PGBD1: variants seen among roughly 807,000 people sequenced by gnomAD.
PGBD1 encodes the protein piggyBac transposable element derived 1.
Under a neutral mutation model 34.7 loss-of-function variants are expected in PGBD1, and 25 were observed. That is an observed-to-expected ratio of 0.72 (90% confidence interval 0.52 to 1.00). The LOEUF (loss-of-function observed/expected upper bound fraction) is 1.00, where lower values mean the gene tolerates loss of function less well. PGBD1 is among the 50% of genes least tolerant of loss of function. PGBD1 has a pLI of 0.00. For missense variants in PGBD1, 830 were observed against 959.4 expected, an observed-to-expected ratio of 0.87 and a Z score of 1.78; for synonymous variants, 292 against 335.7, an observed-to-expected ratio of 0.87 and a Z score of 1.42.
At chr6:28,297,407 C>T (rs190317489) in intron 5 of PGBD1, among the ~76,000 whole-genome samples, 2 of 152,204 alleles carry the variant, frequency 1.3e-5, no homozygotes, top group South Asian at 2.1e-4. Flanking sequence ...GATGGGGTCT[C>T]GCTTTGTTGC....
intron 6 of PGBD1, among the ~76,000 whole-genome samples, chr6:28,298,505 G>T (rs1343514492): frequency 6.6e-6 from 1 of 152,026 alleles, no homozygotes; most frequent in Non-Finnish European, 1.5e-5. Flanking sequence ...TCTTTGGTTA[G>T]GGATGCCCAA....
chr6:28,301,316 C>T lies in PGBD1; in HGVS notation c.1462C>T (p.Leu488=). ...GGAAGTCTCTGACACCGATCAGAAC[C>T]TGGTTAGAGATGCAATCAGAAGGGA... The part of the protein sequence containing the change: ...YWEVSDTDQN[L]VRDAIRRDRF... The change falls in exon 7 of 7, where the codon CTG becomes TTG. Residue 488 remains leucine (L), a synonymous_variant. Coordinates refer to ENST00000682144, the MANE Select transcript of PGBD1 (RefSeq NM_032507.4). 1.2e-6 allele frequency: 2 copies of T among 1,614,026 alleles called. No individual in the cohort carries two copies. The highest frequency in any genetic ancestry group is 1.7e-6 in the Non-Finnish European group (2 of 1,180,022).
intron 4 of PGBD1, among the ~76,000 whole-genome samples, chr6:28,291,507 C>A (rs1762449561): frequency 7.0e-6 from 1 of 143,542 alleles, no homozygotes. Context: ...TGAATTCTAC[C>A]AAACATTTAA....
rs759658196 is a variant in PGBD1 at position 28,302,272 on chromosome 6, T to C, written c.2418T>C (p.His806=). ...ATTTCTACTTGGAACACAATGCTCA[T>C]CTGTCAGATTAGGGTACATAAAATG... The part of the protein sequence containing the change: ...VAHFYLEHNA[H]LSD The change falls in exon 7 of 7, where the codon CAT becomes CAC. Residue 806 remains histidine (H), a synonymous_variant. Transcript: ENST00000682144. 1.9e-6 allele frequency: 3 copies of C among 1,611,654 alleles called. No individual in the cohort carries two copies. The Admixed American group carries it at 5.0e-5, about 27-fold the overall frequency.
rs751063482 is a variant in PGBD1 at position 28,301,436 on chromosome 6, C to G, written c.1582C>G (p.Gln528Glu). Reference protein sequence around the residue: ...KFTKLRPLIKQMNKNFLLYAP... With the variant: ...KFTKLRPLIKEMNKNFLLYAP... ...TACAAAGTTGAGACCTCTCATAAAA[C>G]AAATGAATAAAAATTTCCTCTTGTA... The change falls in exon 7 of 7, where the codon CAA (glutamine) becomes GAA (glutamate). Residue 528 changes from glutamine (Q) to glutamate (E), a missense_variant. Transcript: ENST00000682144. 15 of 1,613,870 alleles carry G rather than the reference C, an allele frequency of 9.3e-6. No individual in the cohort carries two copies. In the South Asian group the frequency reaches 9.9e-5, roughly 11 times the overall value.
chr6:28,302,464 TTGTC>T lies in PGBD1; in HGVS notation c.*184_*187del, dbSNP rs1762878151. 4.5e-6 allele frequency: 3 copies of T among 673,280 alleles called. No individual in the cohort carries two copies. Among genetic ancestry groups the T allele is most frequent in the East Asian group, 2.9e-5 (1 of 34,452 alleles). The allele number at this position is 673,280 out of a possible 1,614,324, so 41.7% of individuals were successfully genotyped here. A position where few individuals can be genotyped will look rare whatever the true frequency, so the allele number is the denominator to read the frequency against. On this transcript the variant is annotated 3_prime_UTR_variant, in exon 7 of 7. Transcript: ENST00000682144. ...CTATTGTAACAAGTAATGTTAAAAA[TTGTC>T]TGTGAGAATGTTGAACTGTAGTACC...
In PGBD1 at chr6:28,302,165, A is replaced by G. The variant is rs982651878; in HGVS notation, c.2311A>G (p.Met771Val). ...GGTGAGCTACATGATTGATGTAGCC[A>G]TGAACAATGCATGGCAACTACACAG... ...ILVSYMIDVA[M>V]NNAWQLHRAC... is the part of the protein sequence containing the mutation. Residue 771 changes from methionine to valine, a missense_variant, in exon 7 of 7, where the codon ATG (methionine) becomes GTG (valine). Physicochemically the swap from Met to Val is conservative, Grantham distance 21. Coordinates refer to ENST00000682144, the MANE Select transcript of PGBD1 (RefSeq NM_032507.4). The G allele has an allele frequency of 6.2e-7, 1 of 1,614,198 alleles. No individual in the cohort carries two copies. The highest frequency in any genetic ancestry group is 8.5e-7 in the Non-Finnish European group (1 of 1,180,032).
intron 4 of PGBD1, among the ~76,000 whole-genome samples, chr6:28,296,523 G>A (rs542942391): frequency 1.6e-4 from 25 of 152,284 alleles, no homozygotes; most frequent in East Asian, 1.4e-3. Context: ...CTGATTGTAG[G>A]TTTGGTTCAG....
intron 2 of PGBD1, 137 bp from the exon 3 acceptor site, chr6:28,285,414 G>A (rs1762256287): frequency 1.1e-6 from 1 of 869,940 alleles, no homozygotes; most frequent in Non-Finnish European, 1.7e-6. Flanking sequence ...TGTTGTTTTT[G>A]TTTTTCTGGG....
intron 1 of PGBD1, among the ~76,000 whole-genome samples, chr6:28,282,745 T>C (rs1400934583): frequency 6.6e-6 from 1 of 152,158 alleles, no homozygotes; most frequent in African/African-American, 2.4e-5. Flanking sequence ...GTTGAAATTA[T>C]AGTGCAGTAG....
chr6:28,293,386 A>G (rs1762529332), intron 4 of PGBD1, among the ~76,000 whole-genome samples: 1 of 152,242 alleles, frequency 6.6e-6, no homozygotes, highest in South Asian at 2.1e-4. Flanking sequence ...GGAAAGCAAT[A>G]TAAGTTACAA....
rs531346378 is a variant in PGBD1 at position 28,299,662 on chromosome 6, CT to C, written c.870-1061del. ...ACTTGACTAGTTTACCAACAGAACA[CT>C]AATAAATTAAATGCACATGTCTAAA... On this transcript the variant is annotated intron_variant, in intron 6 of 6. Coordinates refer to ENST00000682144, the MANE Select transcript of PGBD1 (RefSeq NM_032507.4). Among the ~76,000 whole-genome samples, 9 of 152,290 alleles carry C rather than the reference CT, an allele frequency of 5.9e-5. No homozygotes were observed. In the East Asian group the frequency reaches 1.7e-3, roughly 29 times the overall value.
chr6:28,298,002 A>G lies in PGBD1; in HGVS notation c.869+11A>G. 1.3e-6 allele frequency: 2 copies of G among 1,557,706 alleles called. No homozygotes were observed. Among genetic ancestry groups the G allele is most frequent in the Non-Finnish European group, 1.8e-6 (2 of 1,131,938 alleles). ...AGGAAAGCCCAACAGGTGAGTGTCC[A>G]TGGTCCTCAGTGAATCAAATCCTGC... On this transcript the variant is annotated intron_variant, in intron 6 of 6. Transcript: ENST00000682144.
At chr6:28,292,379 TAAAC>T (rs945283800) in intron 4 of PGBD1, among the ~76,000 whole-genome samples, 11 of 152,162 alleles carry the variant, frequency 7.2e-5, no homozygotes, top group African/African-American at 2.7e-4. Context: ...ACTAAAAATT[TAAAC>T]ACCAAATTAA....
At chr6:28,294,739 A>G (rs893197982) in intron 4 of PGBD1, among the ~76,000 whole-genome samples, 2 of 152,224 alleles carry the variant, frequency 1.3e-5, no homozygotes, top group African/African-American at 4.8e-5. Flanking sequence ...TCAAAAAAGA[A>G]AAAAAGATTT....
intron 4 of PGBD1, among the ~76,000 whole-genome samples, chr6:28,289,139 A>G (rs2113746776): frequency 6.6e-6 from 1 of 152,296 alleles, no homozygotes. Flanking sequence ...AGACTACTCC[A>G]AGGCATATAA....
chr6:28,292,700 C>G (rs1457920751), intron 4 of PGBD1, among the ~76,000 whole-genome samples: 1 of 151,842 alleles, frequency 6.6e-6, no homozygotes, highest in Non-Finnish European at 1.5e-5. Flanking sequence ...GTGGTGAGCC[C>G]TTAATCTAAT....
rs140347693 is a variant in PGBD1 at position 28,286,216 on chromosome 6, T to G, written c.553+509T>G. On this transcript the variant is annotated intron_variant, in intron 3 of 6. Transcript: ENST00000682144. ...AAAAACATTCCATAGTGATCCATTA[T>G]GGAAGCAAAGAAAAGCAGAGCAAAG... 4.0e-3 allele frequency among the ~76,000 whole-genome samples: 606 copies of G among 152,338 alleles called. 1 individual carries two copies. Among genetic ancestry groups the G allele is most frequent in the African/African-American group, 9.9e-3 (413 of 41,576 alleles).
rs142611268 is a variant in PGBD1, at chr6:28,284,106, A to G, written c.293A>G (p.Lys98Arg). ...GAGCAGTTCCTGACCATCCTGCCCA[A>G]GGAGCTCCAGCCCTGTGTGAAGACA... Reference protein sequence around the residue: ...VLEQFLTILPKELQPCVKTYP... With the variant: ...VLEQFLTILPRELQPCVKTYP... The change falls in exon 2 of 7, where the codon AAG becomes AGG. Residue 98 changes from lysine to arginine, a missense_variant. This residue lies in a region of PGBD1 where 457 missense variants were observed against 515.4 expected (regional missense o/e 0.89). Coordinates refer to ENST00000682144, the MANE Select transcript of PGBD1 (RefSeq NM_032507.4). 1 of 1,614,148 alleles carries G rather than the reference A, an allele frequency of 6.2e-7. No individual in the cohort carries two copies. The highest frequency in any genetic ancestry group is 1.1e-5 in the South Asian group (1 of 91,070).
Sources: allele counts gnomAD v4.1 joint callset (sites outside exome capture counted in the v4.1 genomes callset), GRCh38; gene constraint gnomAD v4.1.1; regional missense constraint gnomAD v4.1.1; transcripts MANE v1.5; gene names NCBI Gene and HGNC (gene_info 2026-07-23, HGNC 2026-07-21).